The following GRIK4 variants were observed in gnomAD, a reference collection of about 807,000 sequenced individuals.
GRIK4 encodes glutamate receptor ionotropic, kainate 4.
A neutral mutation model predicts 104.9 loss-of-function variants in GRIK4; 40 were observed. The ratio of observed to expected loss-of-function variants is 0.38; its 90% CI spans 0.30 to 0.50. The LOEUF (loss-of-function observed/expected upper bound fraction) is 0.50, where lower values mean the gene tolerates loss of function less well. Ranked by LOEUF, GRIK4 falls within the 20% of genes least tolerant of loss-of-function variation. GRIK4 has a pLI of 0.93. For synonymous variants in GRIK4, 485 were observed against 524.9 expected (o/e 0.92, Z 1.04); for missense variants, 1,047 against 1,308.1 (o/e 0.80, Z 3.08).
chr11:120,940,226 C>T lies in GRIK4; in HGVS notation c.1477-121C>T. On this transcript the variant is annotated intron_variant, in intron 13 of 20. Coordinates refer to ENST00000527524, the MANE Select transcript of GRIK4 (RefSeq NM_014619.5). The surrounding 1 kb of genome is among the most constrained non-coding windows in gnomAD (Gnocchi z 4.3). The stretch of plus-strand genomic sequence containing the variant: ...TATGCAGTGTTGACTTAGAGCCACT[C>T]CTCAAGCAAGAAGCCAGACCAGCAT... 1.6e-6 allele frequency: 1 copy of T among 637,510 alleles called. No homozygotes were observed. Among genetic ancestry groups the T allele is most frequent in the South Asian group, 1.9e-5 (1 of 51,812 alleles). The allele number at this position is 637,510 out of a possible 1,614,324, so 39.5% of individuals were successfully genotyped here.
chr11:120,852,487 C>A (rs1003293277), intron 8 of GRIK4, among the ~76,000 whole-genome samples: 14 of 152,314 alleles, frequency 9.2e-5, no homozygotes, highest in African/African-American at 3.1e-4. Flanking sequence ...GAAAGAAGAG[C>A]AGAGAAAGGA....
In GRIK4 at chr11:120,765,005, C is replaced by T. The variant is rs553293106; in HGVS notation, c.83-37688C>T. ...TTCCTGAATTTGCATGTTGGCATGT[C>T]TTGCTATGTTGGGGAACTTCTCCTG... is the stretch of plus-strand genomic sequence containing the variant. On this transcript the variant is annotated intron_variant, in intron 3 of 20. Coordinates refer to ENST00000527524, the MANE Select transcript of GRIK4 (RefSeq NM_014619.5). Among the ~76,000 whole-genome samples, 9 of 152,218 alleles carry T rather than the reference C, an allele frequency of 5.9e-5. No individual in the cohort carries two copies. The South Asian group carries it at 1.7e-3, about 28-fold the overall frequency.
intron 8 of GRIK4, among the ~76,000 whole-genome samples, chr11:120,842,768 G>A (rs1953749570): frequency 6.6e-6 from 1 of 152,204 alleles, no homozygotes; most frequent in South Asian, 2.1e-4. Context: ...GGTTTGGTTG[G>A]GGGAAACCTT....
chr11:120,648,490 C>G (rs1949572248), intron 1 of GRIK4, among the ~76,000 whole-genome samples: 1 of 152,134 alleles, frequency 6.6e-6, no homozygotes. Flanking sequence ...AGGTGAATAC[C>G]AGCTGTGGAG....
intron 3 of GRIK4, among the ~76,000 whole-genome samples, chr11:120,674,387 C>T (rs1565288075): frequency 6.6e-6 from 1 of 152,232 alleles, no homozygotes; most frequent in East Asian, 1.9e-4. Context: ...CAATCTAGAT[C>T]TCGACACGTG....
intron 1 of GRIK4, among the ~76,000 whole-genome samples, chr11:120,534,913 T>C (rs897129145): frequency 5.9e-5 from 9 of 152,132 alleles, no homozygotes; most frequent in African/African-American, 2.2e-4. Context: ...TTTGCCCAGC[T>C]CTGCGGAACT....
At chr11:120,663,079 G>A (rs566458290) in intron 3 of GRIK4, among the ~76,000 whole-genome samples, 44 of 152,306 alleles carry the variant, frequency 2.9e-4, no homozygotes, top group African/African-American at 1.0e-3. Context: ...TCACACATAT[G>A]TCAACCCCTT....
chr11:120,540,306 AG>A (rs1359813038), intron 1 of GRIK4, among the ~76,000 whole-genome samples: 2 of 152,216 alleles, frequency 1.3e-5, no homozygotes, highest in Non-Finnish European at 2.9e-5. Context: ...TGTCTTCCTT[AG>A]GATCCTCATG....
intron 1 of GRIK4, among the ~76,000 whole-genome samples, chr11:120,518,855 G>T (rs1420432207): frequency 6.6e-6 from 1 of 152,164 alleles, no homozygotes; most frequent in Non-Finnish European, 1.5e-5. Context: ...GTGACCTCAG[G>T]TGATCCGCCG....
intron 3 of GRIK4, among the ~76,000 whole-genome samples, chr11:120,671,681 T>C (rs1950019570): frequency 6.6e-6 from 1 of 152,256 alleles, no homozygotes; most frequent in Non-Finnish European, 1.5e-5. Flanking sequence ...GCAGGTTGCC[T>C]GTTCTCTCTG....
chr11:120,767,474 A>G (rs2135451029), intron 3 of GRIK4, among the ~76,000 whole-genome samples: 1 of 152,224 alleles, frequency 6.6e-6, no homozygotes, highest in Non-Finnish European at 1.5e-5. Flanking sequence ...TGTGGTTTGC[A>G]CATATTTTTT....
At chr11:120,964,638 A>G (rs1455968629) in intron 18 of GRIK4, among the ~76,000 whole-genome samples, 1 of 152,240 alleles carries the variant, frequency 6.6e-6, no homozygotes, top group East Asian at 1.9e-4. Flanking sequence ...GAACAAAACT[A>G]TGGAGAGTTG....
intron 12 of GRIK4, among the ~76,000 whole-genome samples, chr11:120,904,614 A>G (rs1386991617): frequency 6.6e-6 from 1 of 152,144 alleles, no homozygotes; most frequent in Non-Finnish European, 1.5e-5. Flanking sequence ...AGTCCCATCC[A>G]TCTACATTTC....
intron 3 of GRIK4, among the ~76,000 whole-genome samples, chr11:120,726,481 T>C (rs1200932730): frequency 2.6e-5 from 4 of 152,078 alleles, no homozygotes; most frequent in African/African-American, 4.8e-5. Context: ...TAGAGATGTA[T>C]TTTGGAGATA....
intron 13 of GRIK4, among the ~76,000 whole-genome samples, chr11:120,921,689 T>A (rs1157663164): frequency 6.6e-6 from 1 of 152,110 alleles, no homozygotes; most frequent in Non-Finnish European, 1.5e-5. Context: ...CCCAGGGCAG[T>A]ATTATCTTGA....
intron 13 of GRIK4, among the ~76,000 whole-genome samples, chr11:120,917,344 C>T (rs113423390): frequency 1.6e-3 from 239 of 150,214 alleles, no homozygotes; most frequent in African/African-American, 5.2e-3. Context: ...ATGAATCAAT[C>T]AGCAGACAGT....
chr11:120,651,648 G>A (rs1949620880), intron 1 of GRIK4, among the ~76,000 whole-genome samples: 1 of 152,156 alleles, frequency 6.6e-6, no homozygotes, highest in African/African-American at 2.4e-5. Flanking sequence ...GTTTATTTAG[G>A]TGAGTCAGAC....
intron 3 of GRIK4, among the ~76,000 whole-genome samples, chr11:120,684,062 C>T (rs1950238683): frequency 6.6e-6 from 1 of 152,160 alleles, no homozygotes; most frequent in Non-Finnish European, 1.5e-5. Context: ...TAATGGCTCA[C>T]ACCTGTAATC....
intron 3 of GRIK4, among the ~76,000 whole-genome samples, chr11:120,720,196 T>A (rs900473164): frequency 6.6e-6 from 1 of 152,100 alleles, no homozygotes; most frequent in Admixed American, 6.6e-5. Context: ...GATTTCGAAC[T>A]GAGAGCTCAT....
Sources: allele counts gnomAD v4.1 joint callset (sites outside exome capture counted in the v4.1 genomes callset), GRCh38; gene constraint gnomAD v4.1.1; non-coding constraint Gnocchi (gnomAD v3.1); transcripts MANE v1.5; gene names NCBI Gene and HGNC (gene_info 2026-07-23, HGNC 2026-07-21).